Variants in FRAS1 observed in about 807,000 individuals in gnomAD.
The protein encoded by FRAS1 is Fraser extracellular matrix complex subunit 1.
A neutral mutation model predicts 435.2 loss-of-function variants in FRAS1; 290 were observed. The ratio of observed to expected loss-of-function variants is 0.67; its 90% CI spans 0.61 to 0.73. The LOEUF (loss-of-function observed/expected upper bound fraction) is 0.73. Ranked by LOEUF, FRAS1 falls within the 30% of genes least tolerant of loss-of-function variation. FRAS1 has a pLI of 0.00. For synonymous variants in FRAS1, 1,800 were observed against 1,851.0 expected (o/e 0.97, Z 0.71); for missense variants, 4,860 against 5,001.5 (o/e 0.97, Z 0.85).
At position 78,479,649 on chromosome 4, in the gene FRAS1, A is replaced by G. The variant is rs1434531725; in HGVS notation, c.8374A>G (p.Ile2792Val). 1 of 1,613,682 alleles carries G rather than the reference A, an allele frequency of 6.2e-7. No homozygotes were observed. The highest frequency in any genetic ancestry group is 1.7e-4 in the Middle Eastern group (1 of 6,058). Reference sequence around the variant, plus strand: ...AAGGGTGGCGACAGCCAAGGTGCTCATTAGTGGTCCCAACGATGCCTCGAC... The same window carrying G: ...AAGGGTGGCGACAGCCAAGGTGCTCGTTAGTGGTCCCAACGATGCCTCGAC... ...IGRVATAKVLISGPNDASTVS... is the reference protein window; with the variant it reads ...IGRVATAKVLVSGPNDASTVS... The change falls in exon 56 of 74, where the codon ATT (isoleucine) becomes GTT (valine). Residue 2792 changes from isoleucine to valine, a missense_variant. Physicochemically the swap from Ile to Val is conservative, Grantham distance 29. Coordinates refer to ENST00000512123, the MANE Select transcript of FRAS1 (RefSeq NM_025074.7).
intron 6 of FRAS1, among the ~76,000 whole-genome samples, chr4:78,259,782 C>T (rs1351149063): frequency 5.3e-5 from 8 of 149,634 alleles, no homozygotes; most frequent in African/African-American, 2.0e-4. Flanking sequence ...AGTCCTTGCC[C>T]ATGCCTCTGT....
chr4:78,085,722 C>A (rs904628304), intron 2 of FRAS1, among the ~76,000 whole-genome samples: 1 of 152,062 alleles, frequency 6.6e-6, no homozygotes, highest in Middle Eastern at 3.4e-3. Flanking sequence ...CAAGACGAGC[C>A]AACTATCCTA....
chr4:78,518,430 A>ATATATATATATGTATATG (rs1215911473), intron 66 of FRAS1, among the ~76,000 whole-genome samples: 1 of 56,054 alleles, frequency 1.8e-5, no homozygotes, highest in African/African-American at 5.3e-5. Flanking sequence ...GTGTATATAT[A>ATATATATATATGTATATG]TATATATATA....
intron 2 of FRAS1, among the ~76,000 whole-genome samples, chr4:78,130,379 G>A (rs980866993): frequency 2.0e-5 from 3 of 152,160 alleles, no homozygotes; most frequent in African/African-American, 7.2e-5. Context: ...CTGCATTTGT[G>A]TGTGTTTAAT....
chr4:78,182,069 C>A lies in FRAS1; in HGVS notation c.109-55441C>A, dbSNP rs529553444. The A allele has an allele frequency of 2.6e-5, 39 of 1,503,956 alleles. No individual in the cohort carries two copies. In the African/African-American group the frequency reaches 5.2e-4, roughly 20 times the overall value. 93.2% of individuals were successfully genotyped at this position (1,503,956 alleles called of 1,614,324 possible). On this transcript the variant is annotated intron_variant, in intron 2 of 73. Transcript: ENST00000512123. ...CATGATGGTGGCTCGGCGGCGGGTT[C>A]CTCTACGGATTGCAGCGGGCCGCGC... is the stretch of plus-strand genomic sequence containing the variant.
intron 29 of FRAS1, among the ~76,000 whole-genome samples, chr4:78,391,721 A>T (rs1168026939): frequency 6.6e-6 from 1 of 152,138 alleles, no homozygotes; most frequent in Non-Finnish European, 1.5e-5. Context: ...CATGCTAGGA[A>T]CTGGATGGAA....
intron 2 of FRAS1, among the ~76,000 whole-genome samples, chr4:78,185,760 A>G (rs999679509): frequency 2.0e-5 from 3 of 152,198 alleles, no homozygotes; most frequent in African/African-American, 4.8e-5. Context: ...CAATTTGCCT[A>G]CTTCTTGAAA....
intron 27 of FRAS1, among the ~76,000 whole-genome samples, chr4:78,380,240 A>G (rs556012940): frequency 5.3e-5 from 8 of 152,328 alleles, no homozygotes; most frequent in African/African-American, 1.7e-4. Flanking sequence ...CTGATGCGAC[A>G]GAAAAGTCCT....
At chr4:78,082,983 G>A (rs147243807) in intron 2 of FRAS1, among the ~76,000 whole-genome samples, 3 of 152,258 alleles carry the variant, frequency 2.0e-5, no homozygotes, top group Admixed American at 6.5e-5. Context: ...CATGGAGTCA[G>A]CACAGATGAG....
In FRAS1 at chr4:78,245,316, A is replaced by G; in HGVS notation, c.300A>G (p.Lys100=). The change falls in exon 4 of 74, where the codon AAA becomes AAG. Residue 100 remains lysine, a synonymous_variant. Coordinates refer to ENST00000512123, the MANE Select transcript of FRAS1 (RefSeq NM_025074.7). ...CAGGATCTTGCCATCATGAAAAGAA[A>G]ATCCATGAGGTAAGTGTTTTCTGAC... The part of the protein sequence containing the change: ...RTPGSCHHEK[K]IHEHGTEWAS... 1 of 1,600,690 alleles carries G rather than the reference A, an allele frequency of 6.2e-7. No individual in the cohort carries two copies. The highest frequency in any genetic ancestry group is 8.5e-7 in the Non-Finnish European group (1 of 1,172,052).
At chr4:78,422,354 G>A (rs1406029140) in intron 34 of FRAS1, among the ~76,000 whole-genome samples, 3 of 152,190 alleles carry the variant, frequency 2.0e-5, no homozygotes, top group African/African-American at 7.2e-5. Context: ...ATAACCCCAG[G>A]AATGAATATT....
rs1725743022 is a variant in FRAS1 at position 78,255,341 on chromosome 4, T to TCACA, written c.570_573dup (p.Ala192HisfsTer10). The TCACA allele has an allele frequency of 6.3e-7, 1 of 1,588,956 alleles. No homozygotes were observed. On this transcript the variant is annotated frameshift_variant, in exon 6 of 74. Coordinates refer to ENST00000512123, the MANE Select transcript of FRAS1 (RefSeq NM_025074.7). LOFTEE classifies it high-confidence loss of function. Reference sequence around the variant, plus strand: ...TGTAGAAATGGGGTTGCCCAGTGCTTCACAGCTCAGTGTCAGCCTCTATTT... The same window carrying TCACA: ...TGTAGAAATGGGGTTGCCCAGTGCTTCACACACAGCTCAGTGTCAGCCTCTATTT...
intron 28 of FRAS1, 59 bp downstream of exon 28, chr4:78,384,202 A>C: frequency 8.6e-7 from 1 of 1,156,386 alleles, no homozygotes; most frequent in Non-Finnish European, 1.2e-6. Context: ...TCAAGCACGA[A>C]ATCTAGGTTT....
chr4:78,083,939 C>T (rs1741023653), intron 2 of FRAS1, among the ~76,000 whole-genome samples: 1 of 151,950 alleles, frequency 6.6e-6, no homozygotes, highest in Non-Finnish European at 1.5e-5. Context: ...CCTCATTAAC[C>T]CTCTGGTTGG....
At chr4:78,209,325 C>A (rs1481072587) in intron 2 of FRAS1, among the ~76,000 whole-genome samples, 1 of 152,148 alleles carries the variant, frequency 6.6e-6, no homozygotes, top group Non-Finnish European at 1.5e-5. Flanking sequence ...AGGTTGCATG[C>A]ACTGGTGGGC....
At chr4:78,325,031 T>C (rs139540636) in intron 18 of FRAS1, among the ~76,000 whole-genome samples, 326 of 152,326 alleles carry the variant, frequency 2.1e-3, no homozygotes, top group Non-Finnish European at 3.2e-3. Context: ...ACACATTGTC[T>C]AATTTATTAT....
intron 15 of FRAS1, among the ~76,000 whole-genome samples, chr4:78,311,787 G>A (rs1473368463): frequency 6.6e-6 from 1 of 152,126 alleles, no homozygotes; most frequent in Non-Finnish European, 1.5e-5. Context: ...CATTAAATTT[G>A]CCTATTTCTG....
chr4:78,092,447 G>A (rs942879296), intron 2 of FRAS1, among the ~76,000 whole-genome samples: 1 of 152,192 alleles, frequency 6.6e-6, no homozygotes, highest in Non-Finnish European at 1.5e-5. Context: ...TATGTGGATG[G>A]CAGTAGGCAA....
intron 47 of FRAS1, among the ~76,000 whole-genome samples, chr4:78,459,041 A>C (rs1341263266): frequency 1.3e-5 from 2 of 152,212 alleles, no homozygotes; most frequent in African/African-American, 2.4e-5. Flanking sequence ...AGTGATTAGA[A>C]TGTTACACAT....
Sources: allele counts gnomAD v4.1 joint callset (sites outside exome capture counted in the v4.1 genomes callset), GRCh38; gene constraint gnomAD v4.1.1; transcripts MANE v1.5; gene names NCBI Gene and HGNC (gene_info 2026-07-23, HGNC 2026-07-21).